WWOX: variants seen among roughly 807,000 people sequenced by gnomAD.
WWOX encodes the protein WW domain containing oxidoreductase.
A neutral mutation model predicts 46.2 loss-of-function variants in WWOX; 69 were observed. The ratio of observed to expected loss-of-function variants is 1.49; its 90% confidence interval spans 1.23 to 1.82. WWOX has a LOEUF of 1.82. Among genes scored for constraint, WWOX ranks in the 40% most tolerant of loss-of-function variants. The pLI, the probability that WWOX is intolerant of heterozygous loss-of-function variation, is 0.00. For synonymous variants in WWOX, 359 were observed against 202.6 expected (o/e 1.77, Z -6.56); for missense variants, 919 against 542.6 (o/e 1.69, Z -6.89).
intron 8 of WWOX, among the ~76,000 whole-genome samples, chr16:78,516,933 C>G (rs978140588): frequency 1.4e-4 from 22 of 152,158 alleles, no homozygotes; most frequent in Admixed American, 8.5e-4. Flanking sequence ...TACCTCATGT[C>G]TGTACCTTTT....
At chr16:78,372,478 G>C (rs1336555041) in intron 5 of WWOX, among the ~76,000 whole-genome samples, 1 of 152,198 alleles carries the variant, frequency 6.6e-6, no homozygotes, top group African/African-American at 2.4e-5. Flanking sequence ...GTCAATGATA[G>C]AATCACGCTG....
chr16:78,286,263 T>A (rs1227511263), intron 5 of WWOX, among the ~76,000 whole-genome samples: 1 of 152,262 alleles, frequency 6.6e-6, no homozygotes, highest in African/African-American at 2.4e-5. Flanking sequence ...TCAGCAAGTT[T>A]GTGAGATTCA....
At chr16:79,146,800 T>A (rs2050190352) in intron 8 of WWOX, among the ~76,000 whole-genome samples, 1 of 152,152 alleles carries the variant, frequency 6.6e-6, no homozygotes. Flanking sequence ...GAGATTTTAG[T>A]GCTAGGATTG....
intron 5 of WWOX, among the ~76,000 whole-genome samples, chr16:78,283,018 G>A (rs142914129): frequency 8.7e-4 from 133 of 152,186 alleles, no homozygotes; most frequent in African/African-American, 3.0e-3. Flanking sequence ...TGAGACCAGG[G>A]CCTGGCTGAC....
At chr16:79,130,718 G>C (rs1012049659) in intron 8 of WWOX, among the ~76,000 whole-genome samples, 7 of 152,198 alleles carry the variant, frequency 4.6e-5, no homozygotes, top group African/African-American at 1.7e-4. Flanking sequence ...CGGTACTGGC[G>C]TCCTTCCAGA....
At chr16:79,162,642 G>A (rs1183325859) in intron 8 of WWOX, among the ~76,000 whole-genome samples, 1 of 152,200 alleles carries the variant, frequency 6.6e-6, no homozygotes, top group African/African-American at 2.4e-5. Context: ...CTTGGACCAT[G>A]TCTTCTGCTT....
At chr16:78,435,516 G>A (rs975799340) in intron 8 of WWOX, among the ~76,000 whole-genome samples, 1 of 152,182 alleles carries the variant, frequency 6.6e-6, no homozygotes. Context: ...AAAGCTGTGG[G>A]AAAATGAGTG....
intron 5 of WWOX, among the ~76,000 whole-genome samples, chr16:78,313,710 C>G (rs899501310): frequency 6.6e-6 from 1 of 152,132 alleles, no homozygotes; most frequent in Non-Finnish European, 1.5e-5. Flanking sequence ...TCTTCTCTGT[C>G]GATGTCCCTG....
intron 8 of WWOX, among the ~76,000 whole-genome samples, chr16:78,740,574 C>T (rs556631123): frequency 6.6e-6 from 1 of 152,220 alleles, no homozygotes; most frequent in South Asian, 2.1e-4. Context: ...GTGTGGTGTG[C>T]AGAGAGCACT....
At chr16:78,761,628 T>A (rs898210237) in intron 8 of WWOX, among the ~76,000 whole-genome samples, 2 of 152,114 alleles carry the variant, frequency 1.3e-5, no homozygotes, top group East Asian at 3.9e-4. Flanking sequence ...GTCTGACATG[T>A]TTGGGTTCTT....
At chr16:78,379,787 G>T (rs138788131) in intron 5 of WWOX, among the ~76,000 whole-genome samples, 142 of 152,256 alleles carry the variant, frequency 9.3e-4, no homozygotes, top group African/African-American at 3.3e-3. Context: ...GTAATAATTT[G>T]TGGTTTTGAA....
intron 5 of WWOX, among the ~76,000 whole-genome samples, chr16:78,198,258 A>G (rs909837424): frequency 1.3e-5 from 2 of 151,962 alleles, no homozygotes; most frequent in Non-Finnish European, 2.9e-5. Context: ...CAGCATTCAA[A>G]GAAGATCCTG....
chr16:78,547,145 A>AAAAC lies in WWOX; in HGVS notation c.1056+114396_1056+114397insCAAA, dbSNP rs566487170. Among the ~76,000 whole-genome samples the AAAAC allele has an allele frequency of 2.1e-3, 202 of 94,074 alleles. 7 individuals carry two copies. The highest frequency in any genetic ancestry group is 4.6e-3 in the Non-Finnish European group (171 of 37,410). The allele number at this position is 94,074 out of a possible 152,430, so 61.7% of individuals were successfully genotyped here. ...TGTCTCAGAAAAAAAAAAAAAAAAA[A>AAAAC]AAAAAAAAAAAAAACAACTACCAGG... is the stretch of plus-strand genomic sequence containing the variant. On this transcript the variant is annotated intron_variant, in intron 8 of 8. Transcript: ENST00000566780.
At chr16:78,726,382 C>G (rs956367510) in intron 8 of WWOX, among the ~76,000 whole-genome samples, 2 of 151,916 alleles carry the variant, frequency 1.3e-5, no homozygotes, top group African/African-American at 2.4e-5. Flanking sequence ...TGCACCACCA[C>G]ACGTGGCGTA....
chr16:78,148,919 A>G (rs1014527876), intron 4 of WWOX, among the ~76,000 whole-genome samples: 17 of 151,282 alleles, frequency 1.1e-4, no homozygotes, highest in Non-Finnish European at 1.9e-4. Context: ...AAAAAAAAAA[A>G]AAAAAAGTGC....
At chr16:78,793,408 A>G (rs973853872) in intron 8 of WWOX, among the ~76,000 whole-genome samples, 3 of 152,162 alleles carry the variant, frequency 2.0e-5, no homozygotes, top group Non-Finnish European at 2.9e-5. Flanking sequence ...TGCACAGACT[A>G]TACGGCTGCT....
In WWOX at chr16:78,966,530, C is replaced by G. The variant is rs147514526; in HGVS notation, c.1057-245078C>G. Among the ~76,000 whole-genome samples the G allele has an allele frequency of 2.0e-5, 3 of 151,786 alleles. No homozygotes were observed. The East Asian group carries it at 5.8e-4, about 29-fold the overall frequency. On this transcript the variant is annotated intron_variant, in intron 8 of 8. Coordinates refer to ENST00000566780, the MANE Select transcript of WWOX (RefSeq NM_016373.4). ...GACTGTAGTTTTTTTTTTAACTCTTCCCCTAATAGTGAAAATTTAGATTGT... is the reference window on the plus strand; with the variant it reads ...GACTGTAGTTTTTTTTTTAACTCTTGCCCTAATAGTGAAAATTTAGATTGT...
chr16:78,577,939 A>G (rs1597295561), intron 8 of WWOX, among the ~76,000 whole-genome samples: 1 of 152,186 alleles, frequency 6.6e-6, no homozygotes, highest in Admixed American at 6.6e-5. Context: ...TTGTGGCCAC[A>G]GTTTTTCCAG....
intron 8 of WWOX, among the ~76,000 whole-genome samples, chr16:78,556,339 G>A (rs2044296592): frequency 6.6e-6 from 1 of 151,984 alleles, no homozygotes; most frequent in African/African-American, 2.4e-5. Flanking sequence ...CTTGCTGGCT[G>A]TCAGGATCTG....
Sources: allele counts gnomAD v4.1 joint callset (sites outside exome capture counted in the v4.1 genomes callset), GRCh38; gene constraint gnomAD v4.1.1; transcripts MANE v1.5; gene names NCBI Gene and HGNC (gene_info 2026-07-23, HGNC 2026-07-21).